ZNF131: variants seen among roughly 807,000 people sequenced by gnomAD.
The protein encoded by ZNF131 is zinc finger and BTB domain containing 35, also known as zinc finger protein 131.
A neutral mutation model predicts 60.0 loss-of-function variants in ZNF131; 7 were observed. That is an observed-to-expected ratio of 0.12 (90% CI 0.07 to 0.22). The LOEUF (loss-of-function observed/expected upper bound fraction) is 0.22, where lower values mean the gene tolerates loss of function less well. ZNF131 is among the 10% of genes least tolerant of loss of function. The pLI is 1.00. For synonymous variants in ZNF131, 257 were observed against 253.2 expected (o/e 1.01, Z -0.14); for missense variants, 493 against 740.9 (o/e 0.67, Z 3.88).
intron 4 of ZNF131, 120 bp from the exon 5 acceptor site, chr5:43,161,129 C>T: frequency 1.2e-6 from 1 of 846,464 alleles, no homozygotes; most frequent in Non-Finnish European, 1.8e-6. Flanking sequence ...GTAGGATAAG[C>T]CCTGCAGTCT....
chr5:43,148,447 C>T (rs758269809), intron 4 of ZNF131, among the ~76,000 whole-genome samples: 1 of 152,186 alleles, frequency 6.6e-6, no homozygotes, highest in Non-Finnish European at 1.5e-5. Flanking sequence ...CTGTCTTCAC[C>T]AGCACTTGAT....
chr5:43,134,064 A>G (rs499436), intron 3 of ZNF131, among the ~76,000 whole-genome samples: 44,295 of 152,044 alleles, frequency 0.29, 6,973 homozygotes, highest in East Asian at 0.63. Context: ...AAAGCAAGAC[A>G]GGCCACAAAA....
chr5:43,146,382 C>A (rs759159111), intron 4 of ZNF131, among the ~76,000 whole-genome samples: 12 of 152,018 alleles, frequency 7.9e-5, no homozygotes, highest in Non-Finnish European at 1.5e-4. Flanking sequence ...GTCAGGAGAT[C>A]GAGACCATCC....
chr5:43,173,131 T>G, intron 5 of ZNF131, 187 bp from the exon 6 acceptor site: 1 of 513,754 alleles, frequency 1.9e-6, no homozygotes, highest in Non-Finnish European at 3.3e-6. Context: ...AATATTAAAT[T>G]TTATTATTTT....
At chr5:43,141,760 C>T (rs1423568689) in intron 4 of ZNF131, among the ~76,000 whole-genome samples, 1 of 136,608 alleles carries the variant, frequency 7.3e-6, no homozygotes, top group East Asian at 2.5e-4. Context: ...AGAATGAGAC[C>T]CTGTCTCAAA....
chr5:43,165,448 T>C (rs1431406879), intron 5 of ZNF131, among the ~76,000 whole-genome samples: 1 of 152,232 alleles, frequency 6.6e-6, no homozygotes, highest in African/African-American at 2.4e-5. Flanking sequence ...GAATGGCTGT[T>C]GTGTTTGCAG....
intron 5 of ZNF131, among the ~76,000 whole-genome samples, chr5:43,164,842 A>G (rs1229515391): frequency 6.6e-6 from 1 of 152,226 alleles, no homozygotes. Context: ...CATTGGAGGA[A>G]CAGTTGAGCA....
intron 4 of ZNF131, among the ~76,000 whole-genome samples, chr5:43,150,614 AC>A (rs1396884364): frequency 2.0e-5 from 3 of 151,988 alleles, no homozygotes; most frequent in Non-Finnish European, 4.4e-5. Context: ...ACGTGGTGGA[AC>A]CCCATTTCTA....
chr5:43,135,020 C>CT (rs1745885340), intron 3 of ZNF131, among the ~76,000 whole-genome samples: 1 of 133,404 alleles, frequency 7.5e-6, no homozygotes, highest in Admixed American at 7.8e-5. Flanking sequence ...TTTTTTGAGA[C>CT]TGAGTTTTGC....
Position 43,123,346 on chromosome 5 carries a change from C to A in ZNF131, c.226+36C>A, listed in dbSNP as rs1561380568. ...CTTGTTGTTTTTTTATTTAATAAAT[C>A]AAAGAAGCCATTTTATTTAAATGCT... On this transcript the variant is annotated intron_variant, in intron 3 of 6. Transcript: ENST00000682664. The A allele has an allele frequency of 5.2e-6, 8 of 1,526,674 alleles. No homozygotes were observed. In the South Asian group the frequency reaches 8.4e-5, roughly 16 times the overall value. 94.6% of individuals were successfully genotyped at this position (1,526,674 alleles called of 1,614,324 possible).
chr5:43,171,956 A>G (rs918379239), intron 5 of ZNF131, among the ~76,000 whole-genome samples: 3 of 152,196 alleles, frequency 2.0e-5, no homozygotes, highest in Non-Finnish European at 2.9e-5. Context: ...GGGTCTCACT[A>G]TGTTGCCCAG....
chr5:43,130,572 A>AT (rs890581065), intron 3 of ZNF131, among the ~76,000 whole-genome samples: 2 of 151,008 alleles, frequency 1.3e-5, no homozygotes, highest in Non-Finnish European at 3.0e-5. Context: ...TTTAATTTTA[A>AT]TTTTTTTTTG....
At position 43,161,375 on chromosome 5, in the gene ZNF131, T is replaced by C. The variant is rs1285807035; in HGVS notation, c.498T>C (p.Val166=). ...TGCCATCTGCAGAATCAGAACCTGT[T>C]GAAATTGAGGTAGAGATTGCCGAAG... is the stretch of plus-strand genomic sequence containing the variant. ...ESLPSAESEP[V]EIEVEIAEGT... The change falls in exon 5 of 7, where the codon GTT becomes GTC. Residue 166 remains valine, a synonymous_variant. Coordinates refer to ENST00000682664, the MANE Select transcript of ZNF131 (RefSeq NM_001330707.2). 1 of 1,614,220 alleles carries C rather than the reference T, an allele frequency of 6.2e-7. No individual in the cohort carries two copies. The highest frequency in any genetic ancestry group is 2.2e-5 in the East Asian group (1 of 44,882).
chr5:43,161,210 T>C (rs757150422), intron 4 of ZNF131, 39 bp from the exon 5 acceptor site: 1 of 1,523,806 alleles, frequency 6.6e-7, no homozygotes, highest in Non-Finnish European at 8.8e-7. Context: ...GGTAGGATCT[T>C]CTTATAGATT....
chr5:43,154,625 G>A (rs1429865554), intron 4 of ZNF131, among the ~76,000 whole-genome samples: 1 of 138,792 alleles, frequency 7.2e-6, no homozygotes, highest in Non-Finnish European at 1.6e-5. Context: ...CTAAGAAACA[G>A]GGTCCTCTAA....
Position 43,152,457 on chromosome 5 carries a change from T to C in ZNF131, c.372-8792T>C, listed in dbSNP as rs904391327. Among the ~76,000 whole-genome samples, 7 of 152,154 alleles carry C rather than the reference T, an allele frequency of 4.6e-5. No homozygotes were observed. The South Asian group carries it at 6.2e-4, about 14-fold the overall frequency. On this transcript the variant is annotated intron_variant, in intron 4 of 6. Transcript: ENST00000682664. ...CATCCCCAGCTGTTTTTAGAAGATA[T>C]GTTGGTAAAGTTAAGGGAAACCACT...
At chr5:43,159,578 C>G (rs1191418393) in intron 4 of ZNF131, among the ~76,000 whole-genome samples, 1 of 151,694 alleles carries the variant, frequency 6.6e-6, no homozygotes, top group Non-Finnish European at 1.5e-5. Flanking sequence ...GCCTGTAATC[C>G]CAGCTACTCA....
intron 4 of ZNF131, among the ~76,000 whole-genome samples, chr5:43,139,911 T>C (rs575130656): frequency 6.6e-6 from 1 of 152,118 alleles, no homozygotes; most frequent in South Asian, 2.1e-4. Flanking sequence ...AAATTTCTCC[T>C]GAGAAGTATT....
At chr5:43,145,320 A>T (rs1747442178) in intron 4 of ZNF131, among the ~76,000 whole-genome samples, 1 of 152,136 alleles carries the variant, frequency 6.6e-6, no homozygotes, top group African/African-American at 2.4e-5. Context: ...TTCAGAGGTC[A>T]TACCTATAGT....
Sources: gnomAD v4.1 joint callset for allele counts (sites outside exome capture counted in the v4.1 genomes callset) on GRCh38, gnomAD v4.1.1 for gene constraint, MANE v1.5 for transcripts, NCBI Gene and HGNC (gene_info 2026-07-23, HGNC 2026-07-21) for gene names.